The following GABRA3 variants were observed in gnomAD, a reference collection of about 807,000 sequenced individuals.
GABRA3 encodes the protein gamma-aminobutyric acid type A receptor subunit alpha3.
GABRA3 carries 10 observed loss-of-function variants against 30.1 expected under a neutral mutation model. The ratio of observed to expected loss-of-function variants is 0.33; its 90% CI spans 0.20 to 0.56. GABRA3 has a LOEUF of 0.56. Ranked by LOEUF, GABRA3 falls within the 20% of genes least tolerant of loss-of-function variation. The pLI is 0.89. For missense variants in GABRA3, 233 were observed against 392.0 expected (o/e 0.59, Z 3.42); for synonymous variants, 151 against 146.8 (o/e 1.03, Z -0.21).
intron 5 of GABRA3, among the ~76,000 whole-genome samples, chrX:152,238,414 T>C (rs1166913790): frequency 2.8e-5 from 3 of 106,595 alleles, no homozygotes; most frequent in Non-Finnish European, 5.8e-5. Flanking sequence ...ATTGAGGATT[T>C]TTGCATCATT....
At chrX:152,200,720 T>A (rs1001306409) in intron 7 of GABRA3, among the ~76,000 whole-genome samples, 1 of 111,901 alleles carries the variant, frequency 8.9e-6, no homozygotes, top group Non-Finnish European at 1.9e-5. Context: ...GTGAAATATT[T>A]AATATATAAA....
intron 3 of GABRA3, among the ~76,000 whole-genome samples, chrX:152,336,182 C>A (rs748934472): frequency 9.2e-6 from 1 of 108,246 alleles, no homozygotes; most frequent in Admixed American, 1.0e-4. Context: ...TTCAATATCT[C>A]CCCCCCTTCA....
intron 3 of GABRA3, among the ~76,000 whole-genome samples, chrX:152,295,513 A>T (rs1002473945): frequency 5.3e-5 from 6 of 113,026 alleles, no homozygotes; most frequent in Non-Finnish European, 7.5e-5. Context: ...CAGGCATGGG[A>T]TATAATCTCC....
rs191172438 is a variant in GABRA3, at chrX:152,307,929, G to A, written c.263-23194C>T. Among the ~76,000 whole-genome samples the A allele has an allele frequency of 3.6e-4, 41 of 112,488 alleles. No individual in the cohort carries two copies. In the East Asian group the frequency reaches 6.5e-3, roughly 18 times the overall value. ...GACTTCTGCCTTTGTGGAGCACAGA[G>A]GGTTTGGCGTGAGAATGGCTACAGT... On this transcript the variant is annotated intron_variant, in intron 3 of 9. Transcript: ENST00000370314.
At chrX:152,308,139 C>T (rs759549387) in intron 3 of GABRA3, among the ~76,000 whole-genome samples, 19 of 112,681 alleles carry the variant, frequency 1.7e-4, no homozygotes, top group Non-Finnish European at 2.6e-4. Flanking sequence ...CACCTACTTG[C>T]AGCACAGCAT....
intron 2 of GABRA3, among the ~76,000 whole-genome samples, chrX:152,351,250 T>TA (rs1016175173): frequency 7.1e-5 from 8 of 112,243 alleles, no homozygotes; most frequent in Admixed American, 9.4e-5. Flanking sequence ...CTCTAGCTAT[T>TA]AAAGTCCTGA....
At chrX:152,227,997 A>T (rs1394235530) in intron 5 of GABRA3, among the ~76,000 whole-genome samples, 1 of 111,567 alleles carries the variant, frequency 9.0e-6, no homozygotes, top group Non-Finnish European at 1.9e-5. Context: ...TCATGTGAAG[A>T]TACTAAGAAA....
At chrX:152,323,809 G>A (rs1364705658) in intron 3 of GABRA3, among the ~76,000 whole-genome samples, 5 of 111,617 alleles carry the variant, frequency 4.5e-5, no homozygotes, top group African/African-American at 1.6e-4. Context: ...AAAACACAGA[G>A]TCTACCTGGG....
At chrX:152,278,838 A>T (rs1343055192) in intron 4 of GABRA3, among the ~76,000 whole-genome samples, 2 of 111,640 alleles carry the variant, frequency 1.8e-5, no homozygotes, top group African/African-American at 6.5e-5. Context: ...TGTGGTTTTG[A>T]TTTCCATTTC....
At chrX:152,197,407 G>T (rs778414175) in intron 8 of GABRA3, among the ~76,000 whole-genome samples, 1 of 111,395 alleles carries the variant, frequency 9.0e-6, no homozygotes, top group Non-Finnish European at 1.9e-5. Flanking sequence ...AAGCAGGACT[G>T]AAATGGGAAG....
At chrX:152,226,333 A>G (rs1466748655) in intron 5 of GABRA3, among the ~76,000 whole-genome samples, 2 of 111,952 alleles carry the variant, frequency 1.8e-5, no homozygotes. Flanking sequence ...AATTGTTATC[A>G]TTATGATGAT....
chrX:152,448,826 G>A (rs1008456220), intron 1 of GABRA3, among the ~76,000 whole-genome samples: 20 of 110,472 alleles, frequency 1.8e-4, no homozygotes, highest in Non-Finnish European at 3.4e-4. Flanking sequence ...ACATCCTGGG[G>A]GCTTTAGAAG....
intron 5 of GABRA3, among the ~76,000 whole-genome samples, chrX:152,228,863 A>G (rs1277606871): frequency 1.8e-5 from 2 of 111,441 alleles, no homozygotes; most frequent in African/African-American, 6.5e-5. Context: ...CCATCCATTC[A>G]ACATTTATTC....
chrX:152,239,896 G>A (rs866383689), intron 5 of GABRA3, among the ~76,000 whole-genome samples: 10 of 101,094 alleles, frequency 9.9e-5, no homozygotes, highest in Admixed American at 2.1e-4. Context: ...GTCTCTGCAC[G>A]TGAGATGGGT....
rs1190620012 is a variant in GABRA3 at position 152,166,950 on chromosome X, T to C, written c.*1278A>G. The C allele has an allele frequency of 2.7e-5, 3 of 111,074 alleles. No homozygotes were observed. The highest frequency in any genetic ancestry group is 9.9e-5 in the African/African-American group (3 of 30,305). 9.2% of individuals were successfully genotyped at this position (111,074 alleles called of 1,213,427 possible). ...TCTGGGATTCAGTTTATCTACCTTATAAAAATTGCGTATTTATGCCTGTGT... is the reference window on the plus strand; with the variant it reads ...TCTGGGATTCAGTTTATCTACCTTACAAAAATTGCGTATTTATGCCTGTGT... On this transcript the variant is annotated 3_prime_UTR_variant, in exon 10 of 10. Transcript: ENST00000370314.
chrX:152,436,383 C>T (rs1930777928), intron 1 of GABRA3, among the ~76,000 whole-genome samples: 1 of 111,751 alleles, frequency 8.9e-6, no homozygotes, highest in Non-Finnish European at 1.9e-5. Context: ...GCTGCCTGGC[C>T]TCTACCCACA....
At chrX:152,172,130 A>G (rs771841503) in intron 9 of GABRA3, among the ~76,000 whole-genome samples, 22 of 111,875 alleles carry the variant, frequency 2.0e-4, no homozygotes, top group Admixed American at 9.5e-4. Context: ...AAACAACTCA[A>G]TTTAAAAATG....
chrX:152,270,013 C>T (rs1938899889), intron 4 of GABRA3, among the ~76,000 whole-genome samples: 2 of 111,993 alleles, frequency 1.8e-5, no homozygotes, highest in African/African-American at 6.5e-5. Flanking sequence ...AGTTCAAAAG[C>T]TTCTGCAAAG....
chrX:152,280,171 G>A (rs770572601), intron 4 of GABRA3, among the ~76,000 whole-genome samples: 1 of 111,084 alleles, frequency 9.0e-6, no homozygotes, highest in Non-Finnish European at 1.9e-5. Flanking sequence ...GGTGAGAGAG[G>A]GCATCCCTCT....
Sources: allele counts gnomAD v4.1 joint callset (sites outside exome capture counted in the v4.1 genomes callset), GRCh38; gene constraint gnomAD v4.1.1; transcripts MANE v1.5; gene names NCBI Gene and HGNC (gene_info 2026-07-23, HGNC 2026-07-21).